FNTB: variants seen among roughly 807,000 people sequenced by gnomAD.
The protein encoded by FNTB is farnesyltransferase, CAAX box, subunit beta.
A neutral mutation model predicts 59.4 loss-of-function variants in FNTB; 27 were observed. That is an observed-to-expected ratio of 0.45 (90% CI 0.34 to 0.63). The LOEUF (loss-of-function observed/expected upper bound fraction) is 0.63. Ranked by LOEUF, FNTB falls within the 20% of genes least tolerant of loss-of-function variation. The probability of loss-of-function intolerance (pLI) is 0.02; values close to 1 mark genes in which losing one functional copy is unlikely to be tolerated. For missense variants in FNTB, 449 were observed against 559.6 expected (o/e 0.80, Z 1.99); for synonymous variants, 230 against 220.7 (o/e 1.04, Z -0.37).
At chr14:65,019,101 AGGC>A (rs2061837573) in intron 4 of FNTB, among the ~76,000 whole-genome samples, 8 of 152,122 alleles carry the variant, frequency 5.3e-5, no homozygotes, top group Admixed American at 4.6e-4. Context: ...TGAACCCGGG[AGGC>A]GGAGGTTGCG....
At chr14:65,045,375 C>CT (rs371277598) in intron 9 of FNTB, among the ~76,000 whole-genome samples, 2 of 151,700 alleles carry the variant, frequency 1.3e-5, no homozygotes. Context: ...CCTCCCCATA[C>CT]TTTTTTTTCC....
At chr14:65,026,872 A>AC (rs1555334586) in intron 4 of FNTB, among the ~76,000 whole-genome samples, 2 of 152,018 alleles carry the variant, frequency 1.3e-5, no homozygotes, top group African/African-American at 4.8e-5. Context: ...AAAAAAAAAA[A>AC]CAAAAAAACA....
chr14:64,986,966 A>C lies in FNTB; in HGVS notation c.13A>C (p.Ser5Arg), dbSNP rs1343548262. MASP[S>R]SFTYYCPPSS... ...TGCTCTCCTGATCATGGCTTCTCCG[A>C]GTTCTTTCACCTACTATTGCCCTCC... Residue 5 changes from serine to arginine, a missense_variant, in exon 1 of 12, where the codon AGT (serine) becomes CGT (arginine). This residue lies in a region of FNTB where 112 missense variants were observed against 80.5 expected (regional missense o/e 1.39). Transcript: ENST00000246166. 1 of 1,614,190 alleles carries C rather than the reference A, an allele frequency of 6.2e-7. No individual in the cohort carries two copies. The highest frequency in any genetic ancestry group is 8.5e-7 in the Non-Finnish European group (1 of 1,180,020).
At position 64,994,725 on chromosome 14, in the gene FNTB, A is replaced by G. The variant is rs1402298743; in HGVS notation, c.144+7628A>G. Among the ~76,000 whole-genome samples, 1 of 152,198 alleles carries G rather than the reference A, an allele frequency of 6.6e-6. No homozygotes were observed. Among genetic ancestry groups the G allele is most frequent in the African/African-American group, 2.4e-5 (1 of 41,458 alleles). ...GTTGCTCTGGGTGAGTGAGTGAATG[A>G]GTGGTGAATGAATGTGAAGCCCTAG... On this transcript the variant is annotated intron_variant, in intron 1 of 11. Coordinates refer to ENST00000246166, the MANE Select transcript of FNTB (RefSeq NM_002028.4). The surrounding 1 kb of genome is among the most constrained non-coding windows in gnomAD (Gnocchi z 4.2).
intron 9 of FNTB, among the ~76,000 whole-genome samples, chr14:65,045,427 C>T (rs1404329896): frequency 6.8e-6 from 1 of 146,822 alleles, no homozygotes; most frequent in African/African-American, 2.5e-5. Flanking sequence ...CCCTCCCCGC[C>T]GCCCCCGAGA....
At chr14:65,055,298 G>A (rs1184149370) in intron 11 of FNTB, among the ~76,000 whole-genome samples, 2 of 152,282 alleles carry the variant, frequency 1.3e-5, no homozygotes, top group South Asian at 2.1e-4. Flanking sequence ...GAGCCTAGAC[G>A]TGAGCCTGGA....
At chr14:65,039,422 C>T (rs1436911791) in intron 7 of FNTB, among the ~76,000 whole-genome samples, 1 of 152,212 alleles carries the variant, frequency 6.6e-6, no homozygotes, top group Non-Finnish European at 1.5e-5. Context: ...ACCTCTGAAA[C>T]TTCCCATCTT....
chr14:65,040,695 C>T, intron 7 of FNTB, 95 bp from the exon 8 acceptor site: 1 of 1,277,608 alleles, frequency 7.8e-7, no homozygotes, highest in Non-Finnish European at 1.0e-6. Flanking sequence ...ACACCTTAAT[C>T]TGAGTGAACT....
In FNTB at chr14:65,054,701, G is replaced by T; in HGVS notation, c.1182+12G>T. On this transcript the variant is annotated intron_variant, in intron 11 of 11. Coordinates refer to ENST00000246166, the MANE Select transcript of FNTB (RefSeq NM_002028.4). This position sits in a 1 kb window ranked among gnomAD's most constrained non-coding sequence, Gnocchi z 4.4. The stretch of plus-strand genomic sequence containing the variant: ...CCGAAAACGCTCTGGTAAGACGGGT[G>T]CAGGGCTTCACACCCCTTCTCCACA... The T allele has an allele frequency of 2.5e-6, 4 of 1,597,802 alleles. No homozygotes were observed. The highest frequency in any genetic ancestry group is 3.4e-6 in the Non-Finnish European group (4 of 1,172,038).
chr14:65,046,266 G>A (rs1017627842), intron 9 of FNTB, among the ~76,000 whole-genome samples: 3 of 152,176 alleles, frequency 2.0e-5, no homozygotes, highest in East Asian at 1.9e-4. Flanking sequence ...GTGAGCCACC[G>A]TGCCTGGCCC....
intron 8 of FNTB, 92 bp downstream of exon 8, chr14:65,041,011 T>C (rs2062340590): frequency 2.6e-6 from 4 of 1,547,518 alleles, no homozygotes; most frequent in East Asian, 2.3e-5. Context: ...AGTTTGGCTA[T>C]GGGAAGGGCT....
chr14:64,998,340 C>T (rs1156579696), intron 1 of FNTB, among the ~76,000 whole-genome samples: 2 of 152,140 alleles, frequency 1.3e-5, no homozygotes, highest in African/African-American at 4.8e-5. Context: ...CTTTGTGCCA[C>T]AGTAAACTAT....
rs978094063 is a variant in FNTB, at chr14:64,990,480, T to C, written c.144+3383T>C. ...GTCATGTGCCTTCTCTGCGGAGCTC[T>C]TTGTCTCCCTCCCTCTCCATCCTTC... On this transcript the variant is annotated intron_variant, in intron 1 of 11. Coordinates refer to ENST00000246166, the MANE Select transcript of FNTB (RefSeq NM_002028.4). This position sits in a 1 kb window ranked among gnomAD's most constrained non-coding sequence, Gnocchi z 5.2. Among the ~76,000 whole-genome samples, 3 of 152,194 alleles carry C rather than the reference T, an allele frequency of 2.0e-5. No homozygotes were observed. The highest frequency in any genetic ancestry group is 7.2e-5 in the African/African-American group (3 of 41,438).
At position 65,027,907 on chromosome 14, in the gene FNTB, A is replaced by C; in HGVS notation, c.605+126A>C. 8.1e-7 allele frequency: 1 copy of C among 1,229,104 alleles called. No individual in the cohort carries two copies. Among genetic ancestry groups the C allele is most frequent in the Non-Finnish European group, 1.2e-6 (1 of 866,570 alleles). The allele number at this position is 1,229,104 out of a possible 1,614,324, so 76.1% of individuals were successfully genotyped here. A position where few individuals can be genotyped will look rare whatever the true frequency, so the allele number is the denominator to read the frequency against. ...TTGTCCCAGAATGACACATGGGATGACATGTCAGTGACACGTCAGAATCAT... is the reference window on the plus strand; with the variant it reads ...TTGTCCCAGAATGACACATGGGATGCCATGTCAGTGACACGTCAGAATCAT... On this transcript the variant is annotated intron_variant, in intron 6 of 11. Transcript: ENST00000246166. The surrounding 1 kb of genome is among the most constrained non-coding windows in gnomAD (Gnocchi z 5.7).
At chr14:65,035,707 A>C (rs1239903958) in intron 7 of FNTB, among the ~76,000 whole-genome samples, 3 of 151,740 alleles carry the variant, frequency 2.0e-5, no homozygotes, top group Admixed American at 6.6e-5. Context: ...TGTTTAAAAA[A>C]AAAATTTGTA....
rs200520043 is a variant in FNTB, at chr14:65,053,048, CAT to C, written c.956-189_956-188del. On this transcript the variant is annotated intron_variant, in intron 9 of 11. Transcript: ENST00000246166. Reference sequence around the variant, plus strand: ...CACTTTGAATTGCTGCTCTTTGACACATGTCAAAGTTCAGGAGAAGGGACATG... The same window carrying C: ...CACTTTGAATTGCTGCTCTTTGACACGTCAAAGTTCAGGAGAAGGGACATG... The C allele has an allele frequency of 1.9e-3, 738 of 383,642 alleles. 5 individuals carry two copies. Among genetic ancestry groups the C allele is most frequent in the African/African-American group, 8.9e-3 (430 of 48,354 alleles). The allele number at this position is 383,642 out of a possible 1,614,324, so 23.8% of individuals were successfully genotyped here.
At chr14:64,989,418 G>A (rs957246083) in intron 1 of FNTB, among the ~76,000 whole-genome samples, 2 of 151,328 alleles carry the variant, frequency 1.3e-5, no homozygotes, top group African/African-American at 4.9e-5. Context: ...TCTAGCCTGG[G>A]CAACAGAGTA....
chr14:65,051,582 A>G (rs774377912), intron 9 of FNTB, among the ~76,000 whole-genome samples: 3 of 151,870 alleles, frequency 2.0e-5, no homozygotes, highest in African/African-American at 4.8e-5. Flanking sequence ...TTGCCCTCCA[A>G]CCTGGGCAAC....
At chr14:65,020,301 C>G (rs2061860345) in intron 4 of FNTB, among the ~76,000 whole-genome samples, 1 of 152,230 alleles carries the variant, frequency 6.6e-6, no homozygotes, top group Non-Finnish European at 1.5e-5. Context: ...TTGGTAGAGA[C>G]AGTGCCTTGC....
Sources: allele counts gnomAD v4.1 joint callset (sites outside exome capture counted in the v4.1 genomes callset), GRCh38; gene constraint gnomAD v4.1.1; regional missense constraint gnomAD v4.1.1; non-coding constraint Gnocchi (gnomAD v3.1); transcripts MANE v1.5; gene names NCBI Gene and HGNC (gene_info 2026-07-23, HGNC 2026-07-21).